Variants in RCAN1 observed in about 807,000 individuals in gnomAD.
RCAN1 encodes regulator of calcineurin 1.
In RCAN1, 11 loss-of-function variants were observed where a neutral mutation model predicts 22.9. The ratio of observed to expected loss-of-function variants is 0.48; its 90% CI spans 0.30 to 0.79. RCAN1 has a LOEUF of 0.79. RCAN1 is among the 30% of genes least tolerant of loss of function. RCAN1 has a pLI of 0.06. For missense variants in RCAN1, 291 were observed against 337.8 expected, an observed-to-expected ratio of 0.86 and a Z score of 1.09; for synonymous variants, 136 against 142.3, an observed-to-expected ratio of 0.96 and a Z score of 0.32.
intron 1 of RCAN1, among the ~76,000 whole-genome samples, chr21:34,584,561 A>G (rs1255987459): frequency 6.6e-6 from 1 of 152,254 alleles, no homozygotes; most frequent in Non-Finnish European, 1.5e-5. Flanking sequence ...GTGGAAAATT[A>G]CATTCCACTG....
intron 1 of RCAN1, among the ~76,000 whole-genome samples, chr21:34,563,477 G>A (rs1313698051): frequency 1.3e-5 from 2 of 152,030 alleles, no homozygotes; most frequent in Non-Finnish European, 2.9e-5. Context: ...AACAGCTACC[G>A]TTCACTCAGC....
At chr21:34,577,228 C>A (rs1012268526) in intron 1 of RCAN1, among the ~76,000 whole-genome samples, 5 of 152,158 alleles carry the variant, frequency 3.3e-5, no homozygotes, top group Non-Finnish European at 5.9e-5. Context: ...TTGAACATTA[C>A]CTTATGAACA....
At chr21:34,593,371 G>C (rs574359989) in intron 1 of RCAN1, among the ~76,000 whole-genome samples, 34 of 152,278 alleles carry the variant, frequency 2.2e-4, no homozygotes, top group Non-Finnish European at 4.7e-4. Context: ...CATATGCAAG[G>C]CTCATCCTCC....
chr21:34,570,463 C>A (rs577594821), intron 1 of RCAN1, among the ~76,000 whole-genome samples: 14 of 152,240 alleles, frequency 9.2e-5, no homozygotes, highest in Non-Finnish European at 1.9e-4. Flanking sequence ...ACCTCTTAGG[C>A]AATATGAGTT....
chr21:34,605,789 A>G (rs1470180253), intron 1 of RCAN1, among the ~76,000 whole-genome samples: 1 of 151,810 alleles, frequency 6.6e-6, no homozygotes, highest in Non-Finnish European at 1.5e-5. Context: ...GCGTGGTGGC[A>G]GGCACCTGTA....
chr21:34,541,005 A>T (rs1388960416), intron 1 of RCAN1, among the ~76,000 whole-genome samples: 2 of 152,168 alleles, frequency 1.3e-5, no homozygotes, highest in African/African-American at 4.8e-5. Context: ...AAAAGCTCAC[A>T]GTGAAATCAA....
At chr21:34,523,777 G>A (rs1318566029) in intron 1 of RCAN1, 67 bp from the exon 2 acceptor site, 5 of 1,300,608 alleles carry the variant, frequency 3.8e-6, no homozygotes, top group Non-Finnish European at 5.3e-6. Context: ...ACTAGATGAT[G>A]TCATTACTTT....
At chr21:34,610,633 G>A (rs1289786713) in intron 1 of RCAN1, among the ~76,000 whole-genome samples, 1 of 152,174 alleles carries the variant, frequency 6.6e-6, no homozygotes, top group Non-Finnish European at 1.5e-5. Context: ...CCCAACCTCA[G>A]CTAACAATTA....
chr21:34,561,900 G>A (rs564122024), intron 1 of RCAN1, among the ~76,000 whole-genome samples: 1 of 152,156 alleles, frequency 6.6e-6, no homozygotes, highest in African/African-American at 2.4e-5. Context: ...TAGGCACACA[G>A]GATTGAGGGA....
chr21:34,605,574 A>G (rs1179492150), intron 1 of RCAN1, among the ~76,000 whole-genome samples: 1 of 152,208 alleles, frequency 6.6e-6, no homozygotes, highest in Non-Finnish European at 1.5e-5. Flanking sequence ...TAGGATTGAA[A>G]TGAGATGTGA....
intron 1 of RCAN1, among the ~76,000 whole-genome samples, chr21:34,589,212 T>C (rs1264173012): frequency 6.6e-6 from 1 of 152,170 alleles, no homozygotes; most frequent in African/African-American, 2.4e-5. Context: ...AATCAAAGCA[T>C]AATAAAGATT....
chr21:34,611,919 A>T (rs991522987), intron 1 of RCAN1, among the ~76,000 whole-genome samples: 1 of 152,124 alleles, frequency 6.6e-6, no homozygotes, highest in Non-Finnish European at 1.5e-5. Context: ...GCCCTCAGAG[A>T]CTGGGACTCC....
rs764122887 is a variant in RCAN1, at chr21:34,525,223, CT to C, written c.253-1514del. ...TGGTGGATGCCTGCTCCACATGGGG[CT>C]GCGGGTAGGAGCAGGGTAGTCGGTC... On this transcript the variant is annotated intron_variant, in intron 1 of 3. Transcript: ENST00000313806. 1,497 of 1,550,586 alleles carry C rather than the reference CT, an allele frequency of 9.7e-4. 3 individuals are homozygous for C. Among genetic ancestry groups the C allele is most frequent in the Non-Finnish European group, 1.1e-3 (1,276 of 1,146,994 alleles).
chr21:34,604,442 C>CA (rs1259650540), intron 1 of RCAN1, among the ~76,000 whole-genome samples: 1 of 152,088 alleles, frequency 6.6e-6, no homozygotes, highest in African/African-American at 2.4e-5. Flanking sequence ...ATCTTGGGGT[C>CA]ATTTAAATCA....
intron 1 of RCAN1, among the ~76,000 whole-genome samples, chr21:34,596,415 G>A (rs972580300): frequency 2.6e-5 from 4 of 152,204 alleles, no homozygotes; most frequent in Non-Finnish European, 5.9e-5. Flanking sequence ...GGGAAAGAGA[G>A]AAAGAGTTGG....
At chr21:34,556,816 G>A (rs1986592506) in intron 1 of RCAN1, among the ~76,000 whole-genome samples, 1 of 152,222 alleles carries the variant, frequency 6.6e-6, no homozygotes, top group Admixed American at 6.5e-5. Context: ...GAGCCCAGTG[G>A]TGTGACGTCA....
At chr21:34,590,267 C>T (rs1422619660) in intron 1 of RCAN1, among the ~76,000 whole-genome samples, 1 of 152,188 alleles carries the variant, frequency 6.6e-6, no homozygotes, top group Non-Finnish European at 1.5e-5. Context: ...CAGCAGCAAT[C>T]GCAATCTAAT....
intron 1 of RCAN1, among the ~76,000 whole-genome samples, chr21:34,576,887 T>A (rs1173886011): frequency 6.6e-6 from 1 of 152,238 alleles, no homozygotes; most frequent in African/African-American, 2.4e-5. Context: ...TCATCAAACA[T>A]GTATTGATCA....
intron 1 of RCAN1, among the ~76,000 whole-genome samples, chr21:34,533,014 G>A (rs1240031710): frequency 1.3e-5 from 2 of 149,964 alleles, no homozygotes; most frequent in East Asian, 2.0e-4. Flanking sequence ...AGGCTGGAGT[G>A]CAGTGGCACT....
Sources: allele counts gnomAD v4.1 joint callset (sites outside exome capture counted in the v4.1 genomes callset), GRCh38; gene constraint gnomAD v4.1.1; transcripts MANE v1.5; gene names NCBI Gene and HGNC (gene_info 2026-07-23, HGNC 2026-07-21).